The following MECOM variants were observed in gnomAD, a reference collection of about 807,000 sequenced individuals.
MECOM encodes histone-lysine N-methyltransferase MECOM.
MECOM carries 13 observed loss-of-function variants against 116.3 expected under a neutral mutation model. The ratio of observed to expected loss-of-function variants is 0.11; its 90% CI spans 0.07 to 0.18. MECOM has a LOEUF of 0.18. Among genes scored for constraint, MECOM ranks in the 10% least tolerant of loss-of-function variants. MECOM has a pLI of 1.00. For synonymous variants in MECOM, 528 were observed against 535.2 expected (o/e 0.99, Z 0.19); for missense variants, 1,299 against 1,509.0 (o/e 0.86, Z 2.31).
chr3:169,391,972 T>C (rs865819664), intron 1 of MECOM, among the ~76,000 whole-genome samples: 15 of 152,308 alleles, frequency 9.8e-5, no homozygotes, highest in South Asian at 6.2e-4. Context: ...TAAATTACTA[T>C]CGTTTGCAGC....
intron 2 of MECOM, 23 bp downstream of exon 2, chr3:169,381,164 G>C: frequency 6.4e-7 from 1 of 1,569,196 alleles, no homozygotes; most frequent in Non-Finnish European, 8.7e-7. Flanking sequence ...ATATAAATGT[G>C]TTAACTCAAA....
intron 10 of MECOM, among the ~76,000 whole-genome samples, chr3:169,102,994 A>G (rs1208015081): frequency 6.6e-6 from 1 of 151,614 alleles, no homozygotes; most frequent in Non-Finnish European, 1.5e-5. Context: ...AAAGAAAACT[A>G]TCCCTGCCTA....
rs967919185 is a variant in MECOM at position 169,440,333 on chromosome 3, C to T, written c.38-58809G>A. Among the ~76,000 whole-genome samples the T allele has an allele frequency of 4.6e-5, 7 of 152,118 alleles. No individual in the cohort carries two copies. The East Asian group carries it at 9.7e-4, about 21-fold the overall frequency. On this transcript the variant is annotated intron_variant, in intron 1 of 16. Transcript: ENST00000651503. ...GTTTGGAAGCCTTCTTGTTGAAATG[C>T]GAAATGCTTTAATAGACAGAGAATC...
rs199570807 is a variant in MECOM, at chr3:169,659,072, CAAAAAAA to C, written c.37+4257_37+4263del. ...GCTTACGACTCCTCACCTTCAACTC[CAAAAAAA>C]AAAAAAAAAAAAGAAAGAGAAAGAA... On this transcript the variant is annotated intron_variant, in intron 1 of 16. Transcript: ENST00000651503. Among the ~76,000 whole-genome samples, 567 of 83,556 alleles carry C rather than the reference CAAAAAAA, an allele frequency of 6.8e-3. 6 individuals are homozygous for C. The highest frequency in any genetic ancestry group is 0.025 in the African/African-American group (533 of 21,676). 54.8% of individuals were successfully genotyped at this position (83,556 alleles called of 152,430 possible).
At chr3:169,599,532 T>C (rs1207877437) in intron 1 of MECOM, among the ~76,000 whole-genome samples, 5 of 143,478 alleles carry the variant, frequency 3.5e-5, no homozygotes, top group Non-Finnish European at 7.6e-5. Context: ...AAAAAAAAAG[T>C]GTAAACCTGT....
intron 2 of MECOM, among the ~76,000 whole-genome samples, chr3:169,351,977 T>G (rs374048412): frequency 6.6e-6 from 1 of 151,946 alleles, no homozygotes; most frequent in East Asian, 1.9e-4. Context: ...ACCCTATTCA[T>G]CTTTGATTCA....
At chr3:169,312,664 C>T (rs1274520156) in intron 2 of MECOM, among the ~76,000 whole-genome samples, 1 of 152,144 alleles carries the variant, frequency 6.6e-6, no homozygotes, top group African/African-American at 2.4e-5. Flanking sequence ...AGGCGTGAGC[C>T]GCCGTGCCTG....
intron 1 of MECOM, among the ~76,000 whole-genome samples, chr3:169,647,183 T>C (rs539510397): frequency 1.3e-5 from 2 of 152,328 alleles, no homozygotes; most frequent in East Asian, 3.9e-4. Context: ...TCGACTTTAT[T>C]GTAAAGCAGA....
At chr3:169,167,649 T>G (rs1743794640) in intron 2 of MECOM, among the ~76,000 whole-genome samples, 2 of 152,184 alleles carry the variant, frequency 1.3e-5, no homozygotes, top group African/African-American at 2.4e-5. Context: ...AAAGTCAATG[T>G]CTTCTTGGAT....
intron 1 of MECOM, among the ~76,000 whole-genome samples, chr3:169,402,882 T>C (rs1248882364): frequency 5.9e-5 from 9 of 152,172 alleles, no homozygotes; most frequent in African/African-American, 2.2e-4. Flanking sequence ...CCCCTTTCCT[T>C]GCTCAGTGTT....
intron 2 of MECOM, among the ~76,000 whole-genome samples, chr3:169,265,775 G>A (rs1005044071): frequency 1.3e-5 from 2 of 152,196 alleles, no homozygotes; most frequent in African/African-American, 4.8e-5. Context: ...TCTCATGCAG[G>A]TGGCATATCA....
chr3:169,498,291 G>A (rs1266313718), intron 1 of MECOM, among the ~76,000 whole-genome samples: 3 of 152,042 alleles, frequency 2.0e-5, no homozygotes, highest in African/African-American at 7.2e-5. Context: ...GAAAATAACA[G>A]ACCAAAATGG....
At chr3:169,560,116 T>C (rs1325656242) in intron 1 of MECOM, among the ~76,000 whole-genome samples, 2 of 152,174 alleles carry the variant, frequency 1.3e-5, no homozygotes, top group Non-Finnish European at 2.9e-5. Flanking sequence ...TATAACCAAT[T>C]TCATGTCCCG....
At chr3:169,295,218 G>T (rs908626396) in intron 2 of MECOM, among the ~76,000 whole-genome samples, 2 of 151,892 alleles carry the variant, frequency 1.3e-5, no homozygotes, top group Admixed American at 6.6e-5. Flanking sequence ...TTTATATATT[G>T]GGTTTCTGAG....
rs148999303 is a variant in MECOM at position 169,375,609 on chromosome 3, C to T, written c.375+5578G>A. On this transcript the variant is annotated intron_variant, in intron 2 of 16. Transcript: ENST00000651503. ...ATGGATAAATTCCTGGACAAATACACCCTCCAAAGGCTAAACCAGGAAGAA... is the reference window on the plus strand; with the variant it reads ...ATGGATAAATTCCTGGACAAATACATCCTCCAAAGGCTAAACCAGGAAGAA... Among the ~76,000 whole-genome samples, 81 of 152,186 alleles carry T rather than the reference C, an allele frequency of 5.3e-4. 1 individual carries two copies. The highest frequency in any genetic ancestry group is 1.8e-3 in the African/African-American group (76 of 41,528).
chr3:169,602,514 C>A (rs1411004356), intron 1 of MECOM, among the ~76,000 whole-genome samples: 2 of 152,150 alleles, frequency 1.3e-5, no homozygotes, highest in Non-Finnish European at 2.9e-5. Flanking sequence ...TGGGAGCTGT[C>A]CTGATTGTAG....
intron 1 of MECOM, among the ~76,000 whole-genome samples, chr3:169,498,430 G>A (rs1754107059): frequency 1.3e-5 from 2 of 152,128 alleles, no homozygotes; most frequent in African/African-American, 4.8e-5. Context: ...AAAAGAAAAG[G>A]AAACCTACAA....
rs772780683 is a variant in MECOM, at chr3:169,121,159, G to A, written c.1029C>T (p.Val343=). ...CCGGGCATGCATGGGCCCGGGCACC[G>A]ACATGCTGAGAGCGAATGTGCCGCT... The part of the protein sequence containing the change: ...NLQRHIRSQH[V]GARAHACPEC... The change falls in exon 7 of 17, where the codon GTC becomes GTT. Residue 343 remains valine (V), a synonymous_variant. Coordinates refer to ENST00000651503, the MANE Select transcript of MECOM (RefSeq NM_004991.4). 1.0e-4 allele frequency: 161 copies of A among 1,613,166 alleles called. No homozygotes were observed. The highest frequency in any genetic ancestry group is 1.2e-4 in the Non-Finnish European group (146 of 1,179,722).
intron 1 of MECOM, among the ~76,000 whole-genome samples, chr3:169,419,234 G>A (rs970146935): frequency 1.4e-4 from 21 of 152,128 alleles, no homozygotes; most frequent in African/African-American, 5.1e-4. Context: ...ACGGCTCAAG[G>A]AAATAAGAGA....
Sources: allele counts gnomAD v4.1 joint callset (sites outside exome capture counted in the v4.1 genomes callset), GRCh38; gene constraint gnomAD v4.1.1; transcripts MANE v1.5; gene names NCBI Gene and HGNC (gene_info 2026-07-23, HGNC 2026-07-21).